SBNO2: variants seen among roughly 807,000 people sequenced by gnomAD.
SBNO2 encodes the protein protein strawberry notch homolog 2.
Under a neutral mutation model 146.3 loss-of-function variants are expected in SBNO2, and 89 were observed. The observed-to-expected ratio is 0.61, with a 90% confidence interval of 0.51 to 0.73. The LOEUF (loss-of-function observed/expected upper bound fraction) is 0.73, where lower values mean the gene tolerates loss of function less well. Ranked by LOEUF, SBNO2 falls within the 30% of genes least tolerant of loss-of-function variation. SBNO2 has a pLI of 0.00. For synonymous variants in SBNO2, 1,147 were observed against 892.6 expected (o/e 1.29, Z -5.08); for missense variants, 2,092 against 2,003.7 (o/e 1.04, Z -0.84).
intron 1 of SBNO2, among the ~76,000 whole-genome samples, chr19:1,166,302 T>C (rs1229945973): frequency 1.3e-5 from 2 of 151,610 alleles, no homozygotes; most frequent in South Asian, 2.1e-4. Flanking sequence ...ACGACACAAA[T>C]GCTTATGCGG....
In SBNO2 at chr19:1,117,400, AGC is replaced by A; in HGVS notation, c.1625_1626del (p.Arg542LeufsTer59). ...LWGQFWSAHQ[R>X]FFKYLCIAAK... ...GCTGCGATGCACAGATACTTGAAGA[AGC>A]GCTGGTGTGCCGACCAGAACTGGCC... On this transcript the variant is annotated frameshift_variant, in exon 15 of 32. Coordinates refer to ENST00000361757, the MANE Select transcript of SBNO2 (RefSeq NM_014963.3). LOFTEE classifies it high-confidence loss of function. 1 of 1,590,300 alleles carries A rather than the reference AGC, an allele frequency of 6.3e-7. No individual in the cohort carries two copies. Among genetic ancestry groups the A allele is most frequent in the Non-Finnish European group, 8.5e-7 (1 of 1,169,794 alleles).
intron 9 of SBNO2, 34 bp from the exon 10 acceptor site, chr19:1,122,592 T>TACCCCCCCCCCCC: frequency 6.9e-7 from 1 of 1,455,714 alleles, no homozygotes; most frequent in East Asian, 2.5e-5. Flanking sequence ...CGCCCACCCT[T>TACCCCCCCCCCCC]CCCCCTCGCC....
rs780711123 is a variant in SBNO2 at position 1,112,082 on chromosome 19, G to T, written c.2629-15C>A. 6.2e-7 allele frequency: 1 copy of T among 1,612,142 alleles called. No homozygotes were observed. Among genetic ancestry groups the T allele is most frequent in the Non-Finnish European group, 8.5e-7 (1 of 1,179,636 alleles). ...GTCAGGGCCCCCTGCCAGGGGTGGG[G>T]AGGCCATCAGTTGGTCACCTGGGGT... On this transcript the variant is annotated splice_polypyrimidine_tract_variant and intron_variant, in intron 22 of 31. Coordinates refer to ENST00000361757, the MANE Select transcript of SBNO2 (RefSeq NM_014963.3). This position sits in a 1 kb window ranked among gnomAD's most constrained non-coding sequence, Gnocchi z 5.9.
intron 4 of SBNO2, among the ~76,000 whole-genome samples, chr19:1,146,879 G>T (rs2080195693): frequency 6.6e-6 from 1 of 152,120 alleles, no homozygotes; most frequent in African/African-American, 2.4e-5. Context: ...GGGAGAAGGA[G>T]GTGGAAAGTT....
chr19:1,116,450 G>A (rs1311970795), intron 16 of SBNO2, among the ~76,000 whole-genome samples: 1 of 152,036 alleles, frequency 6.6e-6, no homozygotes, highest in Non-Finnish European at 1.5e-5. Flanking sequence ...GGATCTAGGG[G>A]GGCTGCTGTG....
intron 4 of SBNO2, among the ~76,000 whole-genome samples, chr19:1,132,803 T>A (rs2080046232): frequency 6.6e-6 from 1 of 152,170 alleles, no homozygotes; most frequent in African/African-American, 2.4e-5. Flanking sequence ...TCCCTTGATC[T>A]GGGGCTGGCG....
rs1382296381 is a variant in SBNO2, at chr19:1,116,034, G to C, written c.1872C>G (p.Gly624=). 1 of 1,610,262 alleles carries C rather than the reference G, an allele frequency of 6.2e-7. No individual in the cohort carries two copies. The highest frequency in any genetic ancestry group is 1.1e-5 in the South Asian group (1 of 90,948). Residue 624 remains glycine (G), a synonymous_variant, in exon 17 of 32, where the codon GGC becomes GGG. Transcript: ENST00000361757. ...STKRKRDRGA[G]SKRKRRPRGR... ...GGCAGGGCTTACGTTTCCGCTTGCT[G>C]CCCGCTCCTCTGTCCCGCTTTCTCT... is the stretch of plus-strand genomic sequence containing the variant.
intron 2 of SBNO2, among the ~76,000 whole-genome samples, chr19:1,151,704 C>T (rs2080243942): frequency 6.6e-6 from 1 of 152,126 alleles, no homozygotes; most frequent in African/African-American, 2.4e-5. Flanking sequence ...ACTCTGTCAC[C>T]CAGGCTGAAG....
chr19:1,154,230 T>C lies in SBNO2; in HGVS notation c.47A>G (p.Glu16Gly). 1 of 1,266,780 alleles carries C rather than the reference T, an allele frequency of 7.9e-7. No homozygotes were observed. Among genetic ancestry groups the C allele is most frequent in the African/African-American group, 1.5e-5 (1 of 65,580 alleles). The allele number at this position is 1,266,780 out of a possible 1,614,324, so 78.5% of individuals were successfully genotyped here. Residue 16 changes from glutamate (E) to glycine (G), a missense_variant, in exon 2 of 32, where the codon GAA (glutamate) becomes GGA (glycine). Coordinates refer to ENST00000361757, the MANE Select transcript of SBNO2 (RefSeq NM_014963.3). ...CAGGAGGCTGCCCGCCGGCGGGGGT[T>C]CATGCTGCGGGTAATCCCTGTCCAT... Reference protein sequence around the residue: ...PAMDRDYPQHEPPPAGSLLYS... With the variant: ...PAMDRDYPQHGPPPAGSLLYS...
At chr19:1,121,410 G>C (rs1490399571) in intron 11 of SBNO2, among the ~76,000 whole-genome samples, 1 of 152,214 alleles carries the variant, frequency 6.6e-6, no homozygotes, top group Non-Finnish European at 1.5e-5. Flanking sequence ...TGGCCAGTCT[G>C]AATGTTCTGT....
chr19:1,165,309 G>A (rs916906774), intron 1 of SBNO2, among the ~76,000 whole-genome samples: 3 of 152,192 alleles, frequency 2.0e-5, no homozygotes, highest in African/African-American at 7.2e-5. Flanking sequence ...CTGGGGAGGG[G>A]CCTTGGTGCT....
In SBNO2 at chr19:1,112,153, T is replaced by G. The variant is rs1383079272; in HGVS notation, c.2628+36A>C. 2.5e-6 allele frequency: 4 copies of G among 1,590,164 alleles called. No homozygotes were observed. The Admixed American group carries it at 5.3e-5, about 21-fold the overall frequency. Reference sequence around the variant, plus strand: ...AAGCTTTGGAGAGCCTTCCTGGGCCTGTCCCTGGTTCTCAGCCCCACCCCC... The same window carrying G: ...AAGCTTTGGAGAGCCTTCCTGGGCCGGTCCCTGGTTCTCAGCCCCACCCCC... On this transcript the variant is annotated intron_variant, in intron 22 of 31. Coordinates refer to ENST00000361757, the MANE Select transcript of SBNO2 (RefSeq NM_014963.3). This position sits in a 1 kb window ranked among gnomAD's most constrained non-coding sequence, Gnocchi z 5.9.
Position 1,110,094 on chromosome 19 carries a change from C to A in SBNO2, c.3029-317G>T, listed in dbSNP as rs1300540488. Among the ~76,000 whole-genome samples, 2 of 150,856 alleles carry A rather than the reference C, an allele frequency of 1.3e-5. No individual in the cohort carries two copies. Among genetic ancestry groups the A allele is most frequent in the African/African-American group, 4.9e-5 (2 of 40,864 alleles). The stretch of plus-strand genomic sequence containing the variant: ...TGGGGGCCGCTCAGATCCTAGGTAA[C>A]CCCAAGCAGGCTGTGAGGAGATTGT... On this transcript the variant is annotated intron_variant, in intron 26 of 31. Transcript: ENST00000361757. The surrounding 1 kb of genome is among the most constrained non-coding windows in gnomAD (Gnocchi z 4.9).
chr19:1,133,194 C>A (rs2080050848), intron 4 of SBNO2, among the ~76,000 whole-genome samples: 1 of 152,154 alleles, frequency 6.6e-6, no homozygotes. Flanking sequence ...TACTCAGCGA[C>A]TGACGGGGCA....
chr19:1,153,083 G>C (rs1313612052), intron 2 of SBNO2, among the ~76,000 whole-genome samples: 3 of 151,768 alleles, frequency 2.0e-5, no homozygotes, highest in African/African-American at 4.8e-5. Flanking sequence ...AGCCCAGGAG[G>C]CAGAGGCTGC....
In SBNO2 at chr19:1,144,537, C is replaced by CAGAGACAGAGACATGGAG. The variant is rs907881107; in HGVS notation, c.279+2754_279+2771dup. On this transcript the variant is annotated intron_variant, in intron 4 of 31. Transcript: ENST00000361757. The surrounding 1 kb of genome is among the most constrained non-coding windows in gnomAD (Gnocchi z 4.1). ...CATGAGACAGAGATGGAGACGGAGA[C>CAGAGACAGAGACATGGAG]AGAGACAGAGACATGGAGAGAGACA... Among the ~76,000 whole-genome samples, 1 of 151,872 alleles carries CAGAGACAGAGACATGGAG rather than the reference C, an allele frequency of 6.6e-6. No homozygotes were observed. Among genetic ancestry groups the CAGAGACAGAGACATGGAG allele is most frequent in the Non-Finnish European group, 1.5e-5 (1 of 67,984 alleles).
chr19:1,162,546 G>T (rs534698194), intron 1 of SBNO2, among the ~76,000 whole-genome samples: 4 of 151,826 alleles, frequency 2.6e-5, no homozygotes, highest in Non-Finnish European at 5.9e-5. Context: ...TCACCCATAC[G>T]AGCCTGCCAG....
chr19:1,120,861 G>T (rs2079893154), intron 11 of SBNO2, among the ~76,000 whole-genome samples: 1 of 151,708 alleles, frequency 6.6e-6, no homozygotes, highest in Non-Finnish European at 1.5e-5. Flanking sequence ...TAGAGACGGG[G>T]TTTCACCATA....
Position 1,111,547 on chromosome 19 carries a change from A to C in SBNO2, c.2768T>G (p.Val923Gly). 1 of 1,595,900 alleles carries C rather than the reference A, an allele frequency of 6.3e-7. No individual in the cohort carries two copies. The change falls in exon 24 of 32, where the codon GTG becomes GGG. Residue 923 changes from valine to glycine, a missense_variant. Physicochemically the swap from Val to Gly is moderately radical, Grantham distance 109. Transcript: ENST00000361757. ...ILSQTENKVP[V>G]PQGYPGGVPT... ...GACCCCTCCAGGGTATCCCTGGGGC[A>C]CAGGCACTTTGTTCTCAGTCTGGCT...
Sources: allele counts gnomAD v4.1 joint callset (sites outside exome capture counted in the v4.1 genomes callset), GRCh38; gene constraint gnomAD v4.1.1; non-coding constraint Gnocchi (gnomAD v3.1); transcripts MANE v1.5; gene names NCBI Gene and HGNC (gene_info 2026-07-23, HGNC 2026-07-21).